Variants in ST7L observed in about 807,000 individuals in gnomAD.
The protein encoded by ST7L is suppressor of tumorigenicity 7 protein-like.
In ST7L, 57 loss-of-function variants were observed where a neutral mutation model predicts 72.5. The observed-to-expected ratio is 0.79, with a 90% CI of 0.64 to 0.98. The LOEUF (loss-of-function observed/expected upper bound fraction) is 0.98, where lower values mean the gene tolerates loss of function less well. Among genes scored for constraint, ST7L ranks in the 50% least tolerant of loss-of-function variants. The pLI, the probability that ST7L is intolerant of heterozygous loss-of-function variation, is 0.00. For synonymous variants in ST7L, 221 were observed against 240.9 expected (o/e 0.92, Z 0.77); for missense variants, 576 against 672.2 (o/e 0.86, Z 1.58).
intron 7 of ST7L, among the ~76,000 whole-genome samples, chr1:112,583,283 C>T (rs1664395887): frequency 6.6e-6 from 1 of 152,080 alleles, no homozygotes; most frequent in South Asian, 2.1e-4. Context: ...CCACTATTTG[C>T]CAAAATCATG....
intron 3 of ST7L, 171 bp downstream of exon 3, chr1:112,610,670 C>G: frequency 1.3e-6 from 1 of 758,592 alleles, no homozygotes; most frequent in Non-Finnish European, 2.1e-6. Flanking sequence ...GCCCTCATGA[C>G]CTGATCACCT....
intron 5 of ST7L, among the ~76,000 whole-genome samples, chr1:112,596,468 T>C (rs2101994495): frequency 6.6e-6 from 1 of 152,298 alleles, no homozygotes; most frequent in Admixed American, 6.5e-5. Context: ...TTCGGTTTCT[T>C]TATTGTTAAA....
intron 4 of ST7L, among the ~76,000 whole-genome samples, chr1:112,599,920 A>G (rs1481350482): frequency 6.6e-6 from 1 of 152,220 alleles, no homozygotes; most frequent in Non-Finnish European, 1.5e-5. Flanking sequence ...CAAATTAAAC[A>G]CAGGCTATGT....
At chr1:112,583,412 C>T (rs1301955045) in intron 7 of ST7L, among the ~76,000 whole-genome samples, 1 of 152,118 alleles carries the variant, frequency 6.6e-6, no homozygotes, top group Non-Finnish European at 1.5e-5. Flanking sequence ...ACAGAAAGGA[C>T]TTCTGTTGCT....
At chr1:112,540,874 T>TG in intron 14 of ST7L, 1 of 1,274,274 alleles carries the variant, frequency 7.8e-7, no homozygotes, top group Non-Finnish European at 1.0e-6. Flanking sequence ...TCCTACTACC[T>TG]GGTAGAAATG....
At chr1:112,609,742 G>C (rs1184849401) in intron 3 of ST7L, among the ~76,000 whole-genome samples, 3 of 151,206 alleles carry the variant, frequency 2.0e-5, no homozygotes, top group African/African-American at 7.3e-5. Context: ...AGAATCATTT[G>C]AACTTGGAAG....
chr1:112,589,800 C>G (rs1665416595), intron 6 of ST7L, among the ~76,000 whole-genome samples: 2 of 152,218 alleles, frequency 1.3e-5, no homozygotes, highest in African/African-American at 4.8e-5. Flanking sequence ...GCCTTCTCCT[C>G]CTACTTGTAC....
intron 11 of ST7L, among the ~76,000 whole-genome samples, chr1:112,561,407 C>A (rs1660112368): frequency 6.9e-6 from 1 of 145,282 alleles, no homozygotes; most frequent in African/African-American, 2.5e-5. Context: ...AGACAATAAT[C>A]TGATTTATGT....
chr1:112,518,268 T>G, the ST7L span: 1 of 152,372 alleles, frequency 6.6e-6, no homozygotes, highest in East Asian at 1.9e-4. Flanking sequence ...ACTAGGAACA[T>G]GCAATGCAGC....
Position 112,608,108 on chromosome 1 carries a change from A to T in ST7L, c.451+2733T>A, listed in dbSNP as rs558783829. ...CAGTCATAGCTCACTGCAGCCTCAA[A>T]CTCCTGGGCTCAAGTGATCCTCCTG... On this transcript the variant is annotated intron_variant, in intron 3 of 14. Transcript: ENST00000358039. Among the ~76,000 whole-genome samples the T allele has an allele frequency of 2.4e-4, 36 of 152,144 alleles. 1 individual carries two copies. Among genetic ancestry groups the T allele is most frequent in the Admixed American group, 1.8e-3 (27 of 15,248 alleles).
chr1:112,596,336 G>C (rs1666473949), intron 5 of ST7L, among the ~76,000 whole-genome samples: 1 of 152,134 alleles, frequency 6.6e-6, no homozygotes, highest in Non-Finnish European at 1.5e-5. Flanking sequence ...AGACCCTTCA[G>C]TGATTTTGTG....
At chr1:112,541,863 TGTTCAGCTGGGTTA>T (rs1220056383) in intron 14 of ST7L, 74 bp downstream of exon 14, 3 of 1,520,488 alleles carry the variant, frequency 2.0e-6, no homozygotes, top group Non-Finnish European at 2.6e-6. Flanking sequence ...TATCTTCCAT[TGTTCAGCTGGGTTA>T]GCACAGGCAG....
At chr1:112,551,447 C>T (rs1658170283) in intron 12 of ST7L, among the ~76,000 whole-genome samples, 1 of 152,226 alleles carries the variant, frequency 6.6e-6, no homozygotes, top group South Asian at 2.1e-4. Context: ...CGCGCCCGGC[C>T]TATGAGCAGA....
rs559761735 is a variant in ST7L, at chr1:112,563,924, C to T, written c.1246-7906G>A. Among the ~76,000 whole-genome samples, 42 of 152,280 alleles carry T rather than the reference C, an allele frequency of 2.8e-4. No individual in the cohort carries two copies. The East Asian group carries it at 7.3e-3, about 27-fold the overall frequency. ...AATGATAATGCTTTATAATCTTCCT[C>T]TTAAAAGCAGAGGTTAAAGAAAAAT... On this transcript the variant is annotated intron_variant, in intron 11 of 14. Transcript: ENST00000358039.
intron 13 of ST7L, among the ~76,000 whole-genome samples, chr1:112,549,873 TA>T (rs371805257): frequency 0.011 from 1,712 of 152,292 alleles, 15 homozygotes; most frequent in Non-Finnish European, 0.018. Context: ...TTCCCGATCT[TA>T]GGGGGAAAGC....
intron 14 of ST7L, among the ~76,000 whole-genome samples, chr1:112,535,795 A>T (rs912293536): frequency 6.6e-6 from 1 of 152,156 alleles, no homozygotes; most frequent in Non-Finnish European, 1.5e-5. Flanking sequence ...AGTGCTTAGA[A>T]AATCTGGATG....
chr1:112,518,086 G>C, the ST7L span: 3 of 152,240 alleles, frequency 2.0e-5, no homozygotes, highest in African/African-American at 7.2e-5. Flanking sequence ...AGCTGAAAAA[G>C]AAACGAAGAA....
At chr1:112,616,610 G>A (rs1180461001) in intron 2 of ST7L, among the ~76,000 whole-genome samples, 1 of 152,024 alleles carries the variant, frequency 6.6e-6, no homozygotes, top group African/African-American at 2.4e-5. Flanking sequence ...GGGCATGGTG[G>A]CCGGCACCTG....
intron 11 of ST7L, among the ~76,000 whole-genome samples, chr1:112,561,629 CA>C (rs1181037202): frequency 6.6e-6 from 1 of 151,366 alleles, no homozygotes; most frequent in African/African-American, 2.4e-5. Flanking sequence ...TACAGGCGTG[CA>C]CCACCACACC....
Sources: allele counts gnomAD v4.1 joint callset (sites outside exome capture counted in the v4.1 genomes callset), GRCh38; gene constraint gnomAD v4.1.1; transcripts MANE v1.5; gene names NCBI Gene and HGNC (gene_info 2026-07-23, HGNC 2026-07-21).